The following NRXN3 variants were observed in gnomAD, a reference collection of about 807,000 sequenced individuals.
NRXN3 encodes neurexin III.
In NRXN3, 32 loss-of-function variants were observed where a neutral mutation model predicts 137.6. The observed-to-expected ratio is 0.23, with a 90% CI of 0.18 to 0.31. The LOEUF (loss-of-function observed/expected upper bound fraction) is 0.31. Among genes scored for constraint, NRXN3 ranks in the 10% least tolerant of loss-of-function variants. NRXN3 has a pLI of 1.00. For synonymous variants in NRXN3, 798 were observed against 784.5 expected, an observed-to-expected ratio of 1.02 and a Z score of -0.29; for missense variants, 1,574 against 2,062.5, an observed-to-expected ratio of 0.76 and a Z score of 4.59.
At chr14:78,421,874 A>G (rs1474804060) in intron 4 of NRXN3, among the ~76,000 whole-genome samples, 3 of 152,040 alleles carry the variant, frequency 2.0e-5, no homozygotes, top group African/African-American at 7.2e-5. Flanking sequence ...TTCCCTTATA[A>G]TCACATATTG....
intron 4 of NRXN3, among the ~76,000 whole-genome samples, chr14:78,638,309 T>TC (rs58256906): frequency 0.01 from 1,597 of 152,278 alleles, 33 homozygotes; most frequent in African/African-American, 0.037. Context: ...CGACACAATT[T>TC]CCCGTCTGCT....
intron 15 of NRXN3, among the ~76,000 whole-genome samples, chr14:79,172,424 TGAAA>T (rs1450370407): frequency 6.6e-6 from 1 of 151,914 alleles, no homozygotes; most frequent in African/African-American, 2.4e-5. Flanking sequence ...TGAATATCTC[TGAAA>T]GAAAGGGAGA....
chr14:79,084,084 A>ATT (rs200238022), intron 15 of NRXN3, among the ~76,000 whole-genome samples: 5 of 151,302 alleles, frequency 3.3e-5, no homozygotes, highest in African/African-American at 1.2e-4. Context: ...TAATTTATTT[A>ATT]TTTTTTTTTT....
chr14:78,998,103 A>G (rs2099533747), intron 15 of NRXN3, among the ~76,000 whole-genome samples: 1 of 152,046 alleles, frequency 6.6e-6, no homozygotes, highest in African/African-American at 2.4e-5. Context: ...TATCTTCTCT[A>G]TTTCAGAAAC....
intron 4 of NRXN3, among the ~76,000 whole-genome samples, chr14:78,597,919 A>G (rs528316560): frequency 9.9e-5 from 15 of 152,252 alleles, no homozygotes; most frequent in African/African-American, 3.6e-4. Flanking sequence ...GAAAGACAGG[A>G]AGGGTGGGTT....
chr14:78,795,183 G>C (rs1002644868), intron 8 of NRXN3, among the ~76,000 whole-genome samples: 1 of 152,192 alleles, frequency 6.6e-6, no homozygotes, highest in Non-Finnish European at 1.5e-5. Context: ...ATAACTCTCT[G>C]AGACAAGTTT....
intron 19 of NRXN3, among the ~76,000 whole-genome samples, chr14:79,721,491 T>A (rs1014368908): frequency 6.6e-6 from 1 of 152,138 alleles, no homozygotes; most frequent in Non-Finnish European, 1.5e-5. Flanking sequence ...GCACTGTATC[T>A]TTTGCTTCGA....
chr14:79,379,933 T>C (rs2094417136), intron 15 of NRXN3, among the ~76,000 whole-genome samples: 1 of 152,044 alleles, frequency 6.6e-6, no homozygotes, highest in African/African-American at 2.4e-5. Flanking sequence ...TACATTCTCT[T>C]GGGTATAAGG....
chr14:79,143,356 C>T (rs917635794), intron 15 of NRXN3, among the ~76,000 whole-genome samples: 1 of 152,212 alleles, frequency 6.6e-6, no homozygotes, highest in Non-Finnish European at 1.5e-5. Context: ...GTGCTGCAAA[C>T]ACTTCTAGCT....
chr14:78,204,255 AT>A (rs61249208), intron 1 of NRXN3, among the ~76,000 whole-genome samples: 2,701 of 148,010 alleles, frequency 0.018, 89 homozygotes, highest in East Asian at 0.11. Context: ...AAAAAGTGAC[AT>A]TTTTTTTTTT....
chr14:79,358,245 T>C (rs549766291), intron 15 of NRXN3, among the ~76,000 whole-genome samples: 6 of 151,964 alleles, frequency 3.9e-5, no homozygotes, highest in Admixed American at 2.0e-4. Flanking sequence ...TTAGGTTGAG[T>C]ACACAGAGCC....
At position 79,271,079 on chromosome 14, in the gene NRXN3, C is replaced by T. The variant is rs971588461; in HGVS notation, c.3263-196142C>T. The stretch of plus-strand genomic sequence containing the variant: ...ATTTTAGATCTGTATCTATCTTAGA[C>T]GATGTACTTTTCATGGAATAGTGAG... On this transcript the variant is annotated intron_variant, in intron 15 of 20. Coordinates refer to ENST00000335750, the MANE Select transcript of NRXN3 (RefSeq NM_001330195.2). 7.2e-5 allele frequency among the ~76,000 whole-genome samples: 11 copies of T among 152,106 alleles called. No individual in the cohort carries two copies. The East Asian group carries it at 7.7e-4, about 11-fold the overall frequency.
chr14:79,577,785 T>C (rs1602369758), intron 16 of NRXN3, among the ~76,000 whole-genome samples: 1 of 152,206 alleles, frequency 6.6e-6, no homozygotes, highest in Non-Finnish European at 1.5e-5. Flanking sequence ...TGGTGGCAGG[T>C]AAATTCTTGG....
Position 78,659,099 on chromosome 14 carries a change from G to A in NRXN3, c.1221+7773G>A, listed in dbSNP as rs201826049. 2.0e-5 allele frequency among the ~76,000 whole-genome samples: 3 copies of A among 152,130 alleles called. No homozygotes were observed. The East Asian group carries it at 5.8e-4, about 29-fold the overall frequency. On this transcript the variant is annotated intron_variant, in intron 6 of 20. Coordinates refer to ENST00000335750, the MANE Select transcript of NRXN3 (RefSeq NM_001330195.2). Reference sequence around the variant, plus strand: ...TAATTGAGATCAAATGAGGTCATATGGATAGGCCCTCAAACAATATGATTG... The same window carrying A: ...TAATTGAGATCAAATGAGGTCATATAGATAGGCCCTCAAACAATATGATTG...
At chr14:78,587,787 A>G (rs2097080063) in intron 4 of NRXN3, among the ~76,000 whole-genome samples, 1 of 152,130 alleles carries the variant, frequency 6.6e-6, no homozygotes, top group Admixed American at 6.5e-5. Flanking sequence ...GAATATAATT[A>G]TTGTTATATT....
chr14:79,063,323 G>A (rs529731762), intron 15 of NRXN3, among the ~76,000 whole-genome samples: 30 of 152,080 alleles, frequency 2.0e-4, no homozygotes, highest in South Asian at 4.2e-4. Context: ...CGCTCTTATT[G>A]CCCAGGCTGG....
chr14:79,241,547 A>T (rs1350664628), intron 15 of NRXN3, among the ~76,000 whole-genome samples: 1 of 152,126 alleles, frequency 6.6e-6, no homozygotes, highest in East Asian at 1.9e-4. Flanking sequence ...GAACAGTATG[A>T]GGGAAACTGC....
At chr14:79,571,087 C>A (rs947811809) in intron 16 of NRXN3, among the ~76,000 whole-genome samples, 10 of 152,124 alleles carry the variant, frequency 6.6e-5, no homozygotes, top group African/African-American at 1.9e-4. Flanking sequence ...CTCATTTAAA[C>A]TCATCAGGGA....
intron 20 of NRXN3, among the ~76,000 whole-genome samples, chr14:79,817,567 A>G (rs992669071): frequency 3.3e-5 from 5 of 152,146 alleles, no homozygotes; most frequent in African/African-American, 9.7e-5. Context: ...GTCTATTCTT[A>G]TTATCTCCAT....
Sources: gnomAD v4.1 joint callset for allele counts (sites outside exome capture counted in the v4.1 genomes callset) on GRCh38, gnomAD v4.1.1 for gene constraint, MANE v1.5 for transcripts, NCBI Gene and HGNC (gene_info 2026-07-23, HGNC 2026-07-21) for gene names.